The following RNASE12 variants were observed in gnomAD, a reference collection of about 807,000 sequenced individuals.
The protein encoded by RNASE12 is probable inactive ribonuclease-like protein 12.
For synonymous variants in RNASE12, 55 were observed against 59.8 expected, an observed-to-expected ratio of 0.92 and a Z score of 0.37; for missense variants, 161 against 177.6, an observed-to-expected ratio of 0.91 and a Z score of 0.53.
chr14:20,590,124 C>A, downstream of RNASE12: 1 of 1,355,172 alleles, frequency 7.4e-7, no homozygotes, highest in Non-Finnish European at 9.8e-7. Flanking sequence ...ATAAAACAAT[C>A]CCAACCCAGC....
upstream of RNASE12, chr14:20,590,844 G>C: frequency 2.0e-5 from 30 of 1,487,422 alleles, no homozygotes; most frequent in Non-Finnish European, 2.7e-5. Context: ...CCCATCCTTG[G>C]AATATTTTAT....
At chr14:20,591,034 C>T (rs1341558024), upstream of RNASE12, 1 of 985,184 alleles carries the variant, frequency 1.0e-6, no homozygotes, top group Non-Finnish European at 1.2e-6. Flanking sequence ...GATACCACAT[C>T]TCCTATTTCT....
At chr14:20,590,401 C>T in exon 1 of RNASE12, 1 of 1,614,208 alleles carries the variant, frequency 6.2e-7, no homozygotes, top group Non-Finnish European at 8.5e-7. Context: ...AATGAGCTGA[C>T]AGACTGTCAT....
At position 20,590,207 on chromosome 14, in the gene RNASE12, A is replaced by G; in HGVS notation, c.*73T>C. On this transcript the variant is annotated 3_prime_UTR_variant, in exon 1 of 1. Coordinates refer to ENST00000556526, the Ensembl canonical transcript of RNASE12. ...AGGCATTGCCCCATGTCCACGGTCC[A>G]GGTCTGCCTCAGGCACAGCCAGCTC... is the stretch of plus-strand genomic sequence containing the variant. 2.5e-6 allele frequency: 4 copies of G among 1,570,836 alleles called. No homozygotes were observed. The South Asian group carries it at 4.8e-5, about 19-fold the overall frequency.
upstream of RNASE12, chr14:20,590,836 C>G: frequency 6.7e-7 from 1 of 1,502,770 alleles, no homozygotes; most frequent in Non-Finnish European, 8.9e-7. Flanking sequence ...GCTGCTCCCC[C>G]ATCCTTGGAA....
upstream of RNASE12, chr14:20,591,258 C>T: frequency 1.0e-6 from 1 of 985,392 alleles, no homozygotes; most frequent in South Asian, 4.7e-5. Flanking sequence ...GCTCCTCTCA[C>T]CTGTCATTTT....
At chr14:20,590,910 A>G (rs907148574), upstream of RNASE12, 4 of 1,433,074 alleles carry the variant, frequency 2.8e-6, no homozygotes, top group East Asian at 2.5e-5. Context: ...AGCTGGAGGC[A>G]TAGTTCCCCA....
At chr14:20,590,287 A>G in exon 1 of RNASE12, 1 of 1,613,284 alleles carries the variant, frequency 6.2e-7, no homozygotes, top group East Asian at 2.2e-5. Flanking sequence ...GAGTTATTTA[A>G]CATAGCCAAG....
At chr14:20,591,190 A>G (rs1231141959), upstream of RNASE12, 5 of 982,748 alleles carry the variant, frequency 5.1e-6, no homozygotes, top group South Asian at 4.7e-5. Context: ...CTACTCATCT[A>G]TTCTTCCCAA....
chr14:20,590,631 A>G (rs373079125), exon 1 of RNASE12: 1 of 1,614,100 alleles, frequency 6.2e-7, no homozygotes, highest in Non-Finnish European at 8.5e-7. Flanking sequence ...GGTAGTCCAC[A>G]TGCAAGTGTT....
chr14:20,590,823 C>G, exon 1 of RNASE12: 1 of 1,529,420 alleles, frequency 6.5e-7, no homozygotes, highest in Non-Finnish European at 8.8e-7. Context: ...GCTCCAACCC[C>G]TGGCTGCTCC....
At position 20,590,381 on chromosome 14, in the gene RNASE12, T is replaced by A. The variant is rs1320882927; in HGVS notation, c.343A>T (p.Arg115Ter). 1 of 1,614,228 alleles carries A rather than the reference T, an allele frequency of 6.2e-7. No individual in the cohort carries two copies. The highest frequency in any genetic ancestry group is 1.7e-5 in the Admixed American group (1 of 60,030). ...TAGTGGTACCTGCAGGCAGGGTATC[T>A]TGTGCCTTCAATGAGCTGACAGACT... The change falls in exon 1 of 1, where the codon AGA (arginine) becomes TGA (stop). Residue 115 changes from arginine (R) to a stop codon, truncating the protein, a stop_gained. Coordinates refer to ENST00000556526, the Ensembl canonical transcript of RNASE12. LOFTEE classifies it low-confidence loss of function (END_TRUNC).
upstream of RNASE12, chr14:20,591,336 G>A: frequency 1.3e-5 from 13 of 974,324 alleles, no homozygotes; most frequent in Non-Finnish European, 1.6e-5. Context: ...GTGTCTTGCT[G>A]TTCCCTGACA....
At chr14:20,591,223 G>A, upstream of RNASE12, 1 of 984,344 alleles carries the variant, frequency 1.0e-6, no homozygotes, top group Non-Finnish European at 1.2e-6. Flanking sequence ...CCCTCCCTCT[G>A]TCAATCCTGC....
downstream of RNASE12, chr14:20,590,152 T>TTAA (rs1884535945): frequency 4.1e-6 from 6 of 1,477,178 alleles, no homozygotes; most frequent in Admixed American, 5.0e-5. Context: ...GAAGGATAAA[T>TTAA]TAATTACCAG....
chr14:20,590,139 C>T (rs1263016032), downstream of RNASE12: 27 of 1,428,546 alleles, frequency 1.9e-5, no homozygotes, highest in Non-Finnish European at 2.2e-5. Flanking sequence ...CCCAGCAATA[C>T]AGGAAGGATA....
exon 1 of RNASE12, chr14:20,590,263 C>CT (rs775507576): frequency 6.2e-7 from 1 of 1,610,006 alleles, no homozygotes; most frequent in East Asian, 2.2e-5. Context: ...ATCTCAGACT[C>CT]GGGAGCTGAT....
exon 1 of RNASE12, chr14:20,590,359 T>A (rs1422076137): frequency 6.2e-7 from 1 of 1,614,192 alleles, no homozygotes; most frequent in East Asian, 2.2e-5. Flanking sequence ...GGGGGAATAG[T>A]GGTACCTGCA....
chr14:20,591,038 TA>T, upstream of RNASE12: 1 of 985,368 alleles, frequency 1.0e-6, no homozygotes, highest in Non-Finnish European at 1.2e-6. Flanking sequence ...CCACATCTCC[TA>T]TTTCTCAAAT....
Sources: gnomAD v4.1 joint callset for allele counts on GRCh38, gnomAD v4.1.1 for gene constraint, MANE v1.5 for transcripts, NCBI Gene and HGNC (gene_info 2026-07-23, HGNC 2026-07-21) for gene names.